Variants in DOCK5 observed in about 807,000 individuals in gnomAD.
The protein encoded by DOCK5 is dedicator of cytokinesis 5.
A neutral mutation model predicts 251.8 loss-of-function variants in DOCK5; 142 were observed. The ratio of observed to expected loss-of-function variants is 0.56; its 90% CI spans 0.49 to 0.65. The LOEUF (loss-of-function observed/expected upper bound fraction) is 0.65. Ranked by LOEUF, DOCK5 falls within the 30% of genes least tolerant of loss-of-function variation. The pLI is 0.00. For synonymous variants in DOCK5, 842 were observed against 835.5 expected (o/e 1.01, Z -0.13); for missense variants, 2,111 against 2,312.3 (o/e 0.91, Z 1.79).
intron 43 of DOCK5, among the ~76,000 whole-genome samples, chr8:25,392,241 T>G (rs1304162643): frequency 1.3e-5 from 2 of 150,460 alleles, no homozygotes; most frequent in African/African-American, 4.9e-5. Context: ...GAGGCGGAGG[T>G]TGCAGTGAGC....
intron 22 of DOCK5, among the ~76,000 whole-genome samples, chr8:25,337,248 GCA>G (rs990402981): frequency 1.3e-5 from 2 of 151,912 alleles, no homozygotes; most frequent in African/African-American, 4.8e-5. Context: ...ACACATGCAT[GCA>G]CACACACACC....
At chr8:25,218,703 A>G (rs1802310622) in intron 1 of DOCK5, among the ~76,000 whole-genome samples, 1 of 152,150 alleles carries the variant, frequency 6.6e-6, no homozygotes, top group Non-Finnish European at 1.5e-5. Context: ...AGAAGGAAAC[A>G]CTAACCGATT....
chr8:25,223,312 CTTTA>C (rs1007038273), intron 1 of DOCK5, among the ~76,000 whole-genome samples: 2 of 152,122 alleles, frequency 1.3e-5, no homozygotes, highest in African/African-American at 2.4e-5. Flanking sequence ...AGCCAGAATG[CTTTA>C]TTTATTTATT....
At chr8:25,350,818 A>T (rs1016559697) in intron 26 of DOCK5, among the ~76,000 whole-genome samples, 6 of 152,178 alleles carry the variant, frequency 3.9e-5, no homozygotes, top group African/African-American at 1.4e-4. Flanking sequence ...CCCCACCCTC[A>T]TGACCTCATC....
At chr8:25,191,999 T>G (rs1801594492) in intron 1 of DOCK5, among the ~76,000 whole-genome samples, 1 of 147,054 alleles carries the variant, frequency 6.8e-6, no homozygotes, top group African/African-American at 2.5e-5. Flanking sequence ...TTCCCACCTG[T>G]GAGTGAGAAC....
chr8:25,299,132 C>A, intron 8 of DOCK5, 31 bp downstream of exon 8: 1 of 1,605,370 alleles, frequency 6.2e-7, no homozygotes. Context: ...CTGCTGCTGA[C>A]CTAACAAAGA....
intron 20 of DOCK5, among the ~76,000 whole-genome samples, chr8:25,333,578 C>T (rs979784955): frequency 2.6e-5 from 4 of 152,100 alleles, no homozygotes; most frequent in Non-Finnish European, 5.9e-5. Context: ...TCTTCTGACC[C>T]CTCTGTCTTA....
At chr8:25,348,501 C>A (rs1800408649) in intron 26 of DOCK5, among the ~76,000 whole-genome samples, 1 of 152,194 alleles carries the variant, frequency 6.6e-6, no homozygotes, top group Non-Finnish European at 1.5e-5. Flanking sequence ...CACCCTACCC[C>A]CAGGAGCCCA....
intron 1 of DOCK5, 96 bp from the exon 2 acceptor site, chr8:25,243,578 C>G: frequency 8.6e-7 from 1 of 1,158,940 alleles, no homozygotes; most frequent in African/African-American, 1.5e-5. Flanking sequence ...ATCCACCCAC[C>G]TCACCCTCTC....
At chr8:25,244,322 A>G (rs929527022) in intron 2 of DOCK5, among the ~76,000 whole-genome samples, 17 of 152,200 alleles carry the variant, frequency 1.1e-4, no homozygotes, top group Admixed American at 2.0e-4. Flanking sequence ...AGGACTGCCT[A>G]TTTGTCTGCC....
At position 25,325,554 on chromosome 8, in the gene DOCK5, G is replaced by A. The variant is rs748901528; in HGVS notation, c.1903+7G>A. On this transcript the variant is annotated splice_region_variant and intron_variant, in intron 18 of 51. Transcript: ENST00000276440. ...ACAAAGCTCACCCAGAATGGTAGGA[G>A]TGGTGAATACACTGACACAAATAAG... is the stretch of plus-strand genomic sequence containing the variant. 2 of 1,612,942 alleles carry A rather than the reference G, an allele frequency of 1.2e-6. No individual in the cohort carries two copies. Among genetic ancestry groups the A allele is most frequent in the South Asian group, 1.1e-5 (1 of 90,966 alleles).
intron 1 of DOCK5, among the ~76,000 whole-genome samples, chr8:25,217,870 G>C (rs939530425): frequency 6.6e-6 from 1 of 152,222 alleles, no homozygotes; most frequent in Non-Finnish European, 1.5e-5. Flanking sequence ...TCTAACATTT[G>C]CAATCCCAGT....
chr8:25,356,123 C>T (rs1717823021), intron 27 of DOCK5, among the ~76,000 whole-genome samples: 1 of 151,992 alleles, frequency 6.6e-6, no homozygotes, highest in South Asian at 2.1e-4. Flanking sequence ...TCACTTGAAC[C>T]CCGGAGGCAG....
chr8:25,253,088 T>G (rs1803315588), intron 2 of DOCK5, among the ~76,000 whole-genome samples: 1 of 152,228 alleles, frequency 6.6e-6, no homozygotes, highest in African/African-American at 2.4e-5. Context: ...CCTCCCAAAG[T>G]GCTGGGATTG....
At chr8:25,260,360 G>C (rs866946286) in intron 2 of DOCK5, among the ~76,000 whole-genome samples, 3,780 of 101,704 alleles carry the variant, frequency 0.037, 128 homozygotes, top group African/African-American at 0.12. Context: ...GCCCACCCCC[G>C]CCCAGTCCCC....
At chr8:25,377,825 C>T (rs191316805) in intron 38 of DOCK5, among the ~76,000 whole-genome samples, 7 of 152,162 alleles carry the variant, frequency 4.6e-5, no homozygotes, top group African/African-American at 7.2e-5. Flanking sequence ...CCTGTGAACT[C>T]GGGGCACCTT....
chr8:25,384,362 A>G (rs911684578), intron 40 of DOCK5, among the ~76,000 whole-genome samples: 2 of 152,138 alleles, frequency 1.3e-5, no homozygotes, highest in African/African-American at 4.8e-5. Context: ...TATGTTTGTC[A>G]AAACTCACAG....
chr8:25,322,861 C>T (rs1805463013), intron 16 of DOCK5, among the ~76,000 whole-genome samples: 1 of 152,096 alleles, frequency 6.6e-6, no homozygotes, highest in African/African-American at 2.4e-5. Flanking sequence ...AGGTGCAATT[C>T]AAGGGTGGTT....
chr8:25,291,658 G>C (rs953119070), intron 5 of DOCK5, among the ~76,000 whole-genome samples: 2 of 143,514 alleles, frequency 1.4e-5, no homozygotes, highest in Non-Finnish European at 3.0e-5. Flanking sequence ...ACTCCAGCCT[G>C]GGCAACAGAG....
Sources: gnomAD v4.1 joint callset for allele counts (sites outside exome capture counted in the v4.1 genomes callset) on GRCh38, gnomAD v4.1.1 for gene constraint, MANE v1.5 for transcripts, NCBI Gene and HGNC (gene_info 2026-07-23, HGNC 2026-07-21) for gene names.